The following PARD3B variants were observed in gnomAD, a reference collection of about 807,000 sequenced individuals.
PARD3B encodes partitioning defective 3 homolog B.
PARD3B carries 103 observed loss-of-function variants against 130.2 expected under a neutral mutation model. The observed-to-expected ratio is 0.79, with a 90% CI of 0.67 to 0.93. PARD3B has a LOEUF of 0.93. Ranked by LOEUF, PARD3B falls within the 40% of genes least tolerant of loss-of-function variation. The pLI is 0.00. For synonymous variants in PARD3B, 583 were observed against 553.2 expected (o/e 1.05, Z -0.76); for missense variants, 1,609 against 1,499.2 (o/e 1.07, Z -1.21).
At chr2:205,571,733 TG>T (rs771571966) in intron 22 of PARD3B, among the ~76,000 whole-genome samples, 1 of 152,208 alleles carries the variant, frequency 6.6e-6, no homozygotes, top group Non-Finnish European at 1.5e-5. Flanking sequence ...ATTAATTTCT[TG>T]AAATGAAACA....
In PARD3B at chr2:205,403,153, A is replaced by G. The variant is rs551790774; in HGVS notation, c.2741+2030A>G. On this transcript the variant is annotated intron_variant, in intron 19 of 22. Coordinates refer to ENST00000406610, the MANE Select transcript of PARD3B (RefSeq NM_001302769.2). ...TAAAACCTATTATACTTTTCTCCTA[A>G]TATGTTTGAAATTTGTTTCTTTGAC... Among the ~76,000 whole-genome samples the G allele has an allele frequency of 5.8e-4, 88 of 152,320 alleles. 1 individual carries two copies. The highest frequency in any genetic ancestry group is 1.2e-3 in the South Asian group (6 of 4,832).
At chr2:205,303,354 C>T (rs1213714261) in intron 18 of PARD3B, among the ~76,000 whole-genome samples, 3 of 152,120 alleles carry the variant, frequency 2.0e-5, no homozygotes, top group Non-Finnish European at 4.4e-5. Flanking sequence ...TTTTAGAGTG[C>T]TCCTTACTAT....
intron 11 of PARD3B, among the ~76,000 whole-genome samples, chr2:205,170,185 C>A (rs964057281): frequency 3.3e-5 from 5 of 152,194 alleles, no homozygotes; most frequent in Admixed American, 6.5e-5. Flanking sequence ...CCACCTCGGC[C>A]TCCCAGAGTG....
At chr2:204,811,223 C>A (rs1395657050) in intron 2 of PARD3B, among the ~76,000 whole-genome samples, 1 of 151,770 alleles carries the variant, frequency 6.6e-6, no homozygotes, top group African/African-American at 2.4e-5. Flanking sequence ...TAGCTAGTGG[C>A]CTATCTTATT....
At chr2:204,736,554 C>T (rs908039616) in intron 2 of PARD3B, among the ~76,000 whole-genome samples, 1 of 152,054 alleles carries the variant, frequency 6.6e-6, no homozygotes, top group South Asian at 2.1e-4. Flanking sequence ...TCCTGTGTTA[C>T]TTTTTTTAGA....
intron 20 of PARD3B, among the ~76,000 whole-genome samples, chr2:205,441,654 T>C (rs1253381490): frequency 2.0e-5 from 3 of 152,214 alleles, no homozygotes; most frequent in Admixed American, 2.0e-4. Context: ...ATATTGCATA[T>C]GTTTACCATT....
chr2:205,543,341 TA>T (rs1342851740), intron 21 of PARD3B, among the ~76,000 whole-genome samples: 1 of 152,232 alleles, frequency 6.6e-6, no homozygotes, highest in Non-Finnish European at 1.5e-5. Flanking sequence ...ATACAAATAT[TA>T]ATGCCTCCAG....
intron 15 of PARD3B, among the ~76,000 whole-genome samples, chr2:205,219,868 G>C (rs114410868): frequency 1.3e-5 from 2 of 152,136 alleles, no homozygotes; most frequent in African/African-American, 4.8e-5. Context: ...CATGAAGAGA[G>C]CAGACATGGT....
intron 15 of PARD3B, among the ~76,000 whole-genome samples, chr2:205,209,328 A>T (rs1022859007): frequency 6.6e-6 from 1 of 151,866 alleles, no homozygotes; most frequent in Admixed American, 6.6e-5. Context: ...TTCATGTCTA[A>T]AACACCAAAA....
intron 4 of PARD3B, among the ~76,000 whole-genome samples, chr2:205,090,917 C>T (rs543857353): frequency 2.7e-3 from 408 of 152,322 alleles, no homozygotes; most frequent in Non-Finnish European, 2.2e-3. Context: ...ATTTCATCCT[C>T]TACCAGTTTT....
intron 4 of PARD3B, among the ~76,000 whole-genome samples, chr2:205,073,285 A>G (rs1700851124): frequency 6.6e-6 from 1 of 152,172 alleles, no homozygotes. Flanking sequence ...GTGTTTTAAA[A>G]ATCACCATCC....
At chr2:204,980,094 A>C (rs1265494898) in intron 3 of PARD3B, among the ~76,000 whole-genome samples, 2 of 152,224 alleles carry the variant, frequency 1.3e-5, no homozygotes, top group African/African-American at 4.8e-5. Flanking sequence ...AGGATAGTGT[A>C]CAGGATACAT....
At chr2:205,497,203 GAAA>G (rs35346665) in intron 20 of PARD3B, among the ~76,000 whole-genome samples, 2 of 129,102 alleles carry the variant, frequency 1.5e-5, no homozygotes, top group Admixed American at 7.8e-5. Context: ...CATACATATT[GAAA>G]AAAAAAAAAA....
rs2106528420 is a variant in PARD3B, at chr2:205,564,321, A to G, written c.3260+10918A>G. On this transcript the variant is annotated intron_variant, in intron 22 of 22. Transcript: ENST00000406610. This position sits in a 1 kb window ranked among gnomAD's most constrained non-coding sequence, Gnocchi z 4.6. ...AGTGTATATTAAAATGAGCATTTCA[A>G]TGGATAAACCCCTTATAGGCTTTCA... Among the ~76,000 whole-genome samples the G allele has an allele frequency of 6.6e-6, 1 of 152,280 alleles. No individual in the cohort carries two copies. The highest frequency in any genetic ancestry group is 2.1e-4 in the South Asian group (1 of 4,816).
intron 1 of PARD3B, among the ~76,000 whole-genome samples, chr2:204,633,798 C>T (rs529800792): frequency 5.3e-5 from 8 of 152,134 alleles, no homozygotes; most frequent in South Asian, 2.1e-4. Context: ...GGCAACAGAG[C>T]GAGACTGTGT....
intron 2 of PARD3B, among the ~76,000 whole-genome samples, chr2:204,833,679 G>A (rs1374926952): frequency 6.6e-6 from 1 of 152,078 alleles, no homozygotes; most frequent in East Asian, 1.9e-4. Flanking sequence ...TCGTCTGCCA[G>A]CATGTAAGAC....
At chr2:204,897,192 C>T (rs2046669437) in intron 2 of PARD3B, among the ~76,000 whole-genome samples, 1 of 151,952 alleles carries the variant, frequency 6.6e-6, no homozygotes, top group Non-Finnish European at 1.5e-5. Flanking sequence ...TTAGACATAT[C>T]AGAATATTTT....
At chr2:205,521,584 C>CATATGAATAGACTCTAA (rs2051061793) in intron 21 of PARD3B, among the ~76,000 whole-genome samples, 1 of 151,788 alleles carries the variant, frequency 6.6e-6, no homozygotes, top group South Asian at 2.1e-4. Flanking sequence ...TGTGAGAGTT[C>CATATGAATAGACTCTAA]ATATGAATAG....
intron 11 of PARD3B, among the ~76,000 whole-genome samples, chr2:205,170,981 A>G (rs1437427260): frequency 6.6e-6 from 1 of 151,878 alleles, no homozygotes; most frequent in Non-Finnish European, 1.5e-5. Flanking sequence ...GGAACCTTTG[A>G]CTCACTTTCG....
Sources: gnomAD v4.1 joint callset for allele counts (sites outside exome capture counted in the v4.1 genomes callset) on GRCh38, gnomAD v4.1.1 for gene constraint, Gnocchi (gnomAD v3.1) non-coding constraint, MANE v1.5 for transcripts, NCBI Gene and HGNC (gene_info 2026-07-23, HGNC 2026-07-21) for gene names.